Variants in RAB7A observed in about 807,000 individuals in gnomAD.
RAB7A encodes ras-related protein Rab-7a.
A neutral mutation model predicts 24.5 loss-of-function variants in RAB7A; 2 were observed. The observed-to-expected ratio is 0.08, with a 90% confidence interval of 0.03 to 0.26. The LOEUF (loss-of-function observed/expected upper bound fraction) is 0.26. Among genes scored for constraint, RAB7A ranks in the 10% least tolerant of loss-of-function variants. The pLI is 1.00. For synonymous variants in RAB7A, 100 were observed against 95.9 expected, an observed-to-expected ratio of 1.04 and a Z score of -0.25; for missense variants, 118 against 255.7, an observed-to-expected ratio of 0.46 and a Z score of 3.67.
intron 5 of RAB7A, among the ~76,000 whole-genome samples, chr3:128,811,396 T>G (rs1335731229): frequency 6.6e-6 from 1 of 152,238 alleles, no homozygotes; most frequent in Non-Finnish European, 1.5e-5. Context: ...ACAACTCAAA[T>G]GTCCATCAAC....
chr3:128,754,502 TAG>T (rs1269357137), intron 1 of RAB7A, among the ~76,000 whole-genome samples: 1 of 152,044 alleles, frequency 6.6e-6, no homozygotes, highest in African/African-American at 2.4e-5. Flanking sequence ...ATGCAGGAAA[TAG>T]GGGACAAAAC....
At chr3:128,796,050 C>T (rs913485410) in intron 2 of RAB7A, among the ~76,000 whole-genome samples, 1 of 152,216 alleles carries the variant, frequency 6.6e-6, no homozygotes, top group Non-Finnish European at 1.5e-5. Flanking sequence ...CGCGCCCGAC[C>T]CAGATGTGCG....
intron 3 of RAB7A, among the ~76,000 whole-genome samples, chr3:128,800,869 C>A (rs996136206): frequency 2.6e-5 from 4 of 152,136 alleles, no homozygotes; most frequent in Non-Finnish European, 4.4e-5. Context: ...ATAACAAGTT[C>A]CCAAGAGATT....
At chr3:128,801,869 A>C (rs1933705709) in intron 3 of RAB7A, among the ~76,000 whole-genome samples, 1 of 152,158 alleles carries the variant, frequency 6.6e-6, no homozygotes, top group Admixed American at 6.5e-5. Flanking sequence ...TCATAATGAA[A>C]TTAAAAAAAA....
At position 128,756,888 on chromosome 3, in the gene RAB7A, C is replaced by T. The variant is rs7620546; in HGVS notation, c.-9+30529C>T. 5.0e-3 allele frequency among the ~76,000 whole-genome samples: 751 copies of T among 150,964 alleles called. 6 individuals carry two copies. Among genetic ancestry groups the T allele is most frequent in the African/African-American group, 0.015 (621 of 41,006 alleles). On this transcript the variant is annotated intron_variant, in intron 1 of 5. Transcript: ENST00000265062. The stretch of plus-strand genomic sequence containing the variant: ...AGACGGAGTTGCGCTCTGTCACCCA[C>T]GCTGGAGTGCAGTGGCATGATCTCA...
chr3:128,750,462 A>G (rs1490669540), intron 1 of RAB7A, among the ~76,000 whole-genome samples: 2 of 152,058 alleles, frequency 1.3e-5, no homozygotes, highest in Non-Finnish European at 2.9e-5. Flanking sequence ...GGTTTTCACC[A>G]TGTTGGCCAG....
rs71153147 is a variant in RAB7A at position 128,795,751 on chromosome 3, C to CTTTTTTTTTTTTTTTTTTTTTTTTTTTT, written c.53+348_53+349insTTTTTTTTTTTTTTTTTTTTTTTTTTTT. On this transcript the variant is annotated intron_variant, in intron 2 of 5. Coordinates refer to ENST00000265062, the MANE Select transcript of RAB7A (RefSeq NM_004637.6). ...ATTGGCATCTGGCGTAGCAGATGTG[C>CTTTTTTTTTTTTTTTTTTTTTTTTTTTT]TTTTTTTTTTTTTTTTTGGAGACAG... 1.8e-3 allele frequency among the ~76,000 whole-genome samples: 79 copies of CTTTTTTTTTTTTTTTTTTTTTTTTTTTT among 43,038 alleles called. 36 individuals are homozygous for CTTTTTTTTTTTTTTTTTTTTTTTTTTTT. Among genetic ancestry groups the CTTTTTTTTTTTTTTTTTTTTTTTTTTTT allele is most frequent in the Non-Finnish European group, 3.2e-3 (68 of 21,216 alleles). 28.2% of individuals were successfully genotyped at this position (43,038 alleles called of 152,430 possible).
chr3:128,776,046 C>A (rs1445886841), intron 1 of RAB7A, among the ~76,000 whole-genome samples: 1 of 152,138 alleles, frequency 6.6e-6, no homozygotes, highest in East Asian at 1.9e-4. Flanking sequence ...TCCCCAGTCA[C>A]CCTACCCTCA....
intron 5 of RAB7A, among the ~76,000 whole-genome samples, chr3:128,810,095 TC>T (rs993540381): frequency 6.6e-6 from 1 of 151,350 alleles, no homozygotes; most frequent in African/African-American, 2.4e-5. Flanking sequence ...ATTACAGGCA[TC>T]CGCCACCATG....
intron 1 of RAB7A, among the ~76,000 whole-genome samples, chr3:128,750,145 G>T (rs927955785): frequency 6.6e-6 from 1 of 152,236 alleles, no homozygotes; most frequent in African/African-American, 2.4e-5. Context: ...GGGAACTAGA[G>T]CAAAGGTGGC....
At chr3:128,800,351 T>C (rs554072311) in intron 3 of RAB7A, among the ~76,000 whole-genome samples, 1 of 152,262 alleles carries the variant, frequency 6.6e-6, no homozygotes, top group South Asian at 2.1e-4. Flanking sequence ...AAAATAGAAC[T>C]TCTCCAGCTG....
At chr3:128,764,721 A>G (rs1298429007) in intron 1 of RAB7A, 1 of 800,594 alleles carries the variant, frequency 1.2e-6, no homozygotes, top group Non-Finnish European at 2.2e-6. Context: ...ACTCCATTGC[A>G]TTCAGCCCAC....
chr3:128,744,025 A>G (rs4045815), intron 1 of RAB7A, among the ~76,000 whole-genome samples: 1 of 151,722 alleles, frequency 6.6e-6, no homozygotes, highest in Non-Finnish European at 1.5e-5. Flanking sequence ...CTGACCTCAG[A>G]TGATCCACCT....
chr3:128,769,793 C>T (rs552197219), intron 1 of RAB7A, among the ~76,000 whole-genome samples: 1 of 152,284 alleles, frequency 6.6e-6, no homozygotes, highest in African/African-American at 2.4e-5. Flanking sequence ...TCCCAATGGG[C>T]AGTAGCAGAA....
At chr3:128,762,268 G>T (rs1269137875) in intron 1 of RAB7A, among the ~76,000 whole-genome samples, 5 of 152,134 alleles carry the variant, frequency 3.3e-5, no homozygotes, top group African/African-American at 1.2e-4. Context: ...GATGAAAAAG[G>T]CTAAGGAGGA....
intron 1 of RAB7A, among the ~76,000 whole-genome samples, chr3:128,781,555 A>G (rs968303383): frequency 6.6e-6 from 1 of 152,058 alleles, no homozygotes; most frequent in East Asian, 1.9e-4. Flanking sequence ...GTGTGCCTGT[A>G]GTCCCATCTG....
At chr3:128,734,195 C>T (rs146692446) in intron 1 of RAB7A, among the ~76,000 whole-genome samples, 6,314 of 151,968 alleles carry the variant, frequency 0.042, 181 homozygotes, top group Non-Finnish European at 0.058. Flanking sequence ...TTTGGGAGAC[C>T]GAGGTGGGCG....
intron 1 of RAB7A, among the ~76,000 whole-genome samples, chr3:128,783,454 G>A (rs1682408717): frequency 6.6e-6 from 1 of 152,052 alleles, no homozygotes. Flanking sequence ...CATTACATTA[G>A]GGGGTGAGGT....
chr3:128,755,017 C>T (rs1168098314), intron 1 of RAB7A, among the ~76,000 whole-genome samples: 2 of 152,156 alleles, frequency 1.3e-5, no homozygotes, highest in East Asian at 1.9e-4. Flanking sequence ...CCAAGTAGAT[C>T]TTACAGACAT....
Sources: allele counts gnomAD v4.1 joint callset (sites outside exome capture counted in the v4.1 genomes callset), GRCh38; gene constraint gnomAD v4.1.1; transcripts MANE v1.5; gene names NCBI Gene and HGNC (gene_info 2026-07-23, HGNC 2026-07-21).